Variants in STX18 observed in about 807,000 individuals in gnomAD.
STX18 encodes the protein syntaxin 18.
Under a neutral mutation model 50.1 loss-of-function variants are expected in STX18, and 40 were observed. The observed-to-expected ratio is 0.80, with a 90% CI of 0.62 to 1.04. STX18 has a LOEUF of 1.04. STX18 is among the 50% of genes least tolerant of loss of function. The probability of loss-of-function intolerance (pLI) is 0.00; values close to 1 mark genes in which losing one functional copy is unlikely to be tolerated. For missense variants in STX18, 410 were observed against 415.8 expected (o/e 0.99, Z 0.12); for synonymous variants, 158 against 151.8 (o/e 1.04, Z -0.30).
chr4:4,439,222 C>T (rs1021235454), intron 5 of STX18, among the ~76,000 whole-genome samples: 4 of 116,848 alleles, frequency 3.4e-5, no homozygotes, highest in African/African-American at 2.1e-4. Context: ...ATGTATATCC[C>T]CCACATATAC....
At chr4:4,439,107 C>T (rs1725953014) in intron 5 of STX18, among the ~76,000 whole-genome samples, 1 of 132,580 alleles carries the variant, frequency 7.5e-6, no homozygotes, top group Non-Finnish European at 1.6e-5. Flanking sequence ...CCCCCACACA[C>T]ATACCCCCAC....
chr4:4,425,064 G>A (rs2108772357), intron 8 of STX18, 100 bp downstream of exon 8: 2 of 1,109,550 alleles, frequency 1.8e-6, no homozygotes, highest in South Asian at 1.3e-5. Flanking sequence ...CCAGCCCAAG[G>A]GCCCCATGGG....
At chr4:4,474,546 C>T (rs73796017) in intron 1 of STX18, among the ~76,000 whole-genome samples, 1 of 152,130 alleles carries the variant, frequency 6.6e-6, no homozygotes, top group Non-Finnish European at 1.5e-5. Context: ...GGCATTAATG[C>T]AGCACATGAG....
intron 1 of STX18, among the ~76,000 whole-genome samples, chr4:4,493,254 A>G (rs932644248): frequency 1.3e-5 from 2 of 152,088 alleles, no homozygotes; most frequent in Admixed American, 6.5e-5. Context: ...AGCAACCCCA[A>G]TTTTTGGAAA....
At chr4:4,463,780 T>C (rs1397591764) in intron 2 of STX18, among the ~76,000 whole-genome samples, 2 of 152,194 alleles carry the variant, frequency 1.3e-5, no homozygotes, top group East Asian at 3.8e-4. Flanking sequence ...TGCGATCTAG[T>C]GTTAACCAAC....
intron 1 of STX18, among the ~76,000 whole-genome samples, chr4:4,513,598 G>C (rs779868783): frequency 6.6e-6 from 1 of 152,054 alleles, no homozygotes; most frequent in African/African-American, 2.4e-5. Context: ...AGACACTACT[G>C]TTTTCAAAAG....
At position 4,420,250 on chromosome 4, in the gene STX18, C is replaced by T. The variant is rs73793282; in HGVS notation, c.913-121G>A. 4,076 of 732,302 alleles carry T rather than the reference C, an allele frequency of 5.6e-3. 118 individuals are homozygous for T. In the African/African-American group the frequency reaches 0.063, roughly 11 times the overall value. The allele number at this position is 732,302 out of a possible 1,614,324, so 45.4% of individuals were successfully genotyped here. On this transcript the variant is annotated intron_variant, in intron 10 of 10. Transcript: ENST00000306200. This position sits in a 1 kb window ranked among gnomAD's most constrained non-coding sequence, Gnocchi z 4.3. Reference sequence around the variant, plus strand: ...CTGGCTGTAACTATGGGTGTCGTTCCATCTGTGCTTACCTTGAATAGATGG... The same window carrying T: ...CTGGCTGTAACTATGGGTGTCGTTCTATCTGTGCTTACCTTGAATAGATGG...
intron 7 of STX18, among the ~76,000 whole-genome samples, chr4:4,432,173 C>G (rs970632349): frequency 6.6e-6 from 1 of 152,204 alleles, no homozygotes; most frequent in African/African-American, 2.4e-5. Flanking sequence ...GGAGAACCCC[C>G]AAAGCAAGTC....
intron 5 of STX18, among the ~76,000 whole-genome samples, chr4:4,455,133 G>A (rs1016167657): frequency 6.6e-6 from 1 of 152,176 alleles, no homozygotes; most frequent in Non-Finnish European, 1.5e-5. Context: ...TGCAGAGTCT[G>A]GCTCTTAGGC....
Position 4,449,474 on chromosome 4 carries a change from C to CCA in STX18, c.497+7716_497+7717insTG, listed in dbSNP as rs538765183. 5.9e-5 allele frequency among the ~76,000 whole-genome samples: 9 copies of CCA among 152,332 alleles called. No individual in the cohort carries two copies. In the East Asian group the frequency reaches 1.7e-3, roughly 29 times the overall value. On this transcript the variant is annotated intron_variant, in intron 5 of 10. Transcript: ENST00000306200. Reference sequence around the variant, plus strand: ...CTTGTTTGGAACAGCTCTTCAGTCTCTCCTTGAGTTTCACGGCCTCAACAC... The same window carrying CCA: ...CTTGTTTGGAACAGCTCTTCAGTCTCCATCCTTGAGTTTCACGGCCTCAACAC...
intron 1 of STX18, among the ~76,000 whole-genome samples, chr4:4,515,815 A>G (rs1730234814): frequency 6.6e-6 from 1 of 152,116 alleles, no homozygotes; most frequent in African/African-American, 2.4e-5. Flanking sequence ...AAAAAATACT[A>G]CTCACTGGTA....
At chr4:4,474,331 T>C (rs942660277) in intron 1 of STX18, among the ~76,000 whole-genome samples, 1 of 124,706 alleles carries the variant, frequency 8.0e-6, no homozygotes, top group Non-Finnish European at 1.6e-5. Context: ...CCAGAGCTTG[T>C]CAGGCAGTTT....
chr4:4,500,193 T>C (rs1729371704), intron 1 of STX18, among the ~76,000 whole-genome samples: 1 of 152,182 alleles, frequency 6.6e-6, no homozygotes, highest in Admixed American at 6.5e-5. Context: ...ATAAAATCAG[T>C]CCATAATAAC....
chr4:4,533,015 A>G (rs1251483340), intron 1 of STX18, among the ~76,000 whole-genome samples: 5 of 152,126 alleles, frequency 3.3e-5, no homozygotes, highest in East Asian at 1.9e-4. Flanking sequence ...TTAGATGGTG[A>G]TAAGTAGAAG....
chr4:4,475,543 T>C (rs1308487902), intron 1 of STX18, among the ~76,000 whole-genome samples: 1 of 151,870 alleles, frequency 6.6e-6, no homozygotes, highest in East Asian at 1.9e-4. Context: ...TACATAGGCA[T>C]ACCTAAGTCC....
chr4:4,518,616 T>C (rs1730383713), intron 1 of STX18, among the ~76,000 whole-genome samples: 1 of 152,052 alleles, frequency 6.6e-6, no homozygotes, highest in Non-Finnish European at 1.5e-5. Flanking sequence ...ACATAAGGGT[T>C]TTTAAAAAAA....
At chr4:4,434,506 G>T (rs536797057) in intron 7 of STX18, among the ~76,000 whole-genome samples, 3 of 152,304 alleles carry the variant, frequency 2.0e-5, no homozygotes, top group East Asian at 1.9e-4. Flanking sequence ...CTATTTTACT[G>T]TTGTTGAAAA....
rs558233519 is a variant in STX18 at position 4,442,399 on chromosome 4, G to A, written c.498-3890C>T. Among the ~76,000 whole-genome samples the A allele has an allele frequency of 1.2e-4, 19 of 152,190 alleles. No homozygotes were observed. In the East Asian group the frequency reaches 2.1e-3, roughly 17 times the overall value. ...AGCACTTTGGGAGGCCGAGGAGGGC[G>A]AATCACTTGAGGTCTAAGCCCAGCC... On this transcript the variant is annotated intron_variant, in intron 5 of 10. Transcript: ENST00000306200.
chr4:4,525,259 G>A (rs1192569994), intron 1 of STX18, among the ~76,000 whole-genome samples: 1 of 152,138 alleles, frequency 6.6e-6, no homozygotes, highest in Non-Finnish European at 1.5e-5. Flanking sequence ...TATTTATAAG[G>A]AGGTGACTAA....
Sources: gnomAD v4.1 joint callset for allele counts (sites outside exome capture counted in the v4.1 genomes callset) on GRCh38, gnomAD v4.1.1 for gene constraint, Gnocchi (gnomAD v3.1) non-coding constraint, MANE v1.5 for transcripts, NCBI Gene and HGNC (gene_info 2026-07-23, HGNC 2026-07-21) for gene names.